Variants in DENND1B observed in about 807,000 individuals in gnomAD.
DENND1B encodes DENN domain-containing protein 1B.
Under a neutral mutation model 90.1 loss-of-function variants are expected in DENND1B, and 59 were observed. The ratio of observed to expected loss-of-function variants is 0.65; its 90% CI spans 0.53 to 0.81. DENND1B has a LOEUF of 0.81. Among genes scored for constraint, DENND1B ranks in the 40% least tolerant of loss-of-function variants. The probability of loss-of-function intolerance (pLI) is 0.00; values close to 1 mark genes in which losing one functional copy is unlikely to be tolerated. For synonymous variants in DENND1B, 337 were observed against 324.6 expected, an observed-to-expected ratio of 1.04 and a Z score of -0.41; for missense variants, 862 against 912.6, an observed-to-expected ratio of 0.94 and a Z score of 0.71.
chr1:197,511,405 G>A (rs556212643), intron 22 of DENND1B, among the ~76,000 whole-genome samples: 1 of 151,608 alleles, frequency 6.6e-6, no homozygotes, highest in African/African-American at 2.4e-5. Flanking sequence ...AGGAAATATG[G>A]GGAAAAAGTG....
intron 9 of DENND1B, among the ~76,000 whole-genome samples, chr1:197,644,674 G>A (rs1023068669): frequency 1.3e-5 from 2 of 152,156 alleles, no homozygotes; most frequent in Non-Finnish European, 2.9e-5. Flanking sequence ...GCAACTTGAT[G>A]CAAAGCTTTT....
At chr1:197,735,703 G>C in intron 2 of DENND1B, 2 of 1,613,902 alleles carry the variant, frequency 1.2e-6, no homozygotes, top group Non-Finnish European at 1.7e-6. Context: ...CGCTACGCCA[G>C]GACCGACAGG....
intron 20 of DENND1B, among the ~76,000 whole-genome samples, chr1:197,521,404 A>G (rs1421396): frequency 0.95 from 144,918 of 151,906 alleles, 69,502 homozygotes; most frequent in East Asian, 1. Context: ...TTGGGAGGGG[A>G]AGGAATAAGG....
At chr1:197,554,139 ACACACACACG>A (rs945425866) in intron 15 of DENND1B, among the ~76,000 whole-genome samples, 3 of 148,418 alleles carry the variant, frequency 2.0e-5, no homozygotes, top group Admixed American at 6.7e-5. Flanking sequence ...ACACACACAC[ACACACACACG>A]TATTACTAGC....
intron 3 of DENND1B, among the ~76,000 whole-genome samples, chr1:197,683,021 C>T (rs1050824561): frequency 1.5e-4 from 23 of 152,056 alleles, no homozygotes; most frequent in Non-Finnish European, 1.5e-4. Context: ...TGGAAATCAG[C>T]GAGTGTTTGT....
At chr1:197,548,735 T>C (rs565001014) in intron 16 of DENND1B, among the ~76,000 whole-genome samples, 1 of 152,192 alleles carries the variant, frequency 6.6e-6, no homozygotes, top group East Asian at 1.9e-4. Flanking sequence ...GAGTTTCCTC[T>C]GTATCACACC....
At chr1:197,775,568 CTG>C (rs1657216300), upstream of DENND1B, 1 of 156,056 alleles carries the variant, frequency 6.4e-6, no homozygotes, top group Non-Finnish European at 1.4e-5. Context: ...AAGTCGGAGA[CTG>C]TGGAGGAGGC....
At position 197,775,193 on chromosome 1, in the gene DENND1B, G is replaced by T. The variant is rs1223875887; in HGVS notation, c.-38C>A. 31 of 1,260,506 alleles carry T rather than the reference G, an allele frequency of 2.5e-5. No individual in the cohort carries two copies. Among genetic ancestry groups the T allele is most frequent in the Non-Finnish European group, 2.8e-5 (28 of 998,162 alleles). The allele number at this position is 1,260,506 out of a possible 1,614,324, so 78.1% of individuals were successfully genotyped here. On this transcript the variant is annotated 5_prime_UTR_variant, in exon 1 of 23. Coordinates refer to ENST00000620048, the MANE Select transcript of DENND1B (RefSeq NM_001195215.2). Reference sequence around the variant, plus strand: ...GTGTGGGGCTGTCCGTCCGGCCCCCGCGCGCTGGCCTGGAAGCCCGCAGCC... The same window carrying T: ...GTGTGGGGCTGTCCGTCCGGCCCCCTCGCGCTGGCCTGGAAGCCCGCAGCC...
chr1:197,560,959 A>G (rs867007157), intron 15 of DENND1B, among the ~76,000 whole-genome samples: 36 of 151,890 alleles, frequency 2.4e-4, no homozygotes, highest in African/African-American at 8.7e-4. Context: ...TACCTCACCC[A>G]TCTGCGCTCA....
intron 15 of DENND1B, among the ~76,000 whole-genome samples, chr1:197,558,095 G>A (rs548128005): frequency 2.6e-5 from 4 of 151,614 alleles, no homozygotes; most frequent in African/African-American, 7.3e-5. Context: ...AAGTGACATC[G>A]ATATAACATA....
intron 18 of DENND1B, 59 bp from the exon 19 acceptor site, chr1:197,541,074 A>G (rs1670303209): frequency 7.1e-7 from 1 of 1,399,178 alleles, no homozygotes; most frequent in Non-Finnish European, 1.0e-6. Context: ...TTTAAAGAAT[A>G]AGTATACAAG....
Position 197,567,713 on chromosome 1 carries a change from C to T in DENND1B, c.1150-14601G>A, listed in dbSNP as rs141673146. 4.4e-3 allele frequency among the ~76,000 whole-genome samples: 672 copies of T among 152,138 alleles called. 10 individuals are homozygous for T. The highest frequency in any genetic ancestry group is 0.015 in the African/African-American group (628 of 41,522). ...ACATTAACAGAATAAACGGCAAAAA[C>T]CTTATGATCACATCAACAGATGCAC... On this transcript the variant is annotated intron_variant, in intron 15 of 22. Transcript: ENST00000620048.
Position 197,645,383 on chromosome 1 carries a change from G to A in DENND1B, c.561+307C>T, listed in dbSNP as rs1276096496. On this transcript the variant is annotated intron_variant, in intron 9 of 22. Transcript: ENST00000620048. ...TATCTCTTCTATCATATACAGTGAA[G>A]CTGAAGACCTAATTGAATATATATA... 2.0e-5 allele frequency among the ~76,000 whole-genome samples: 3 copies of A among 151,970 alleles called. No individual in the cohort carries two copies. The East Asian group carries it at 5.8e-4, about 29-fold the overall frequency.
intron 20 of DENND1B, among the ~76,000 whole-genome samples, chr1:197,520,136 G>A (rs1047649086): frequency 9.9e-5 from 15 of 151,838 alleles, no homozygotes; most frequent in African/African-American, 1.5e-4. Context: ...CTGCTACTGC[G>A]TATTCCCTGA....
chr1:197,578,337 C>T (rs2125758720), intron 15 of DENND1B, among the ~76,000 whole-genome samples: 1 of 152,140 alleles, frequency 6.6e-6, no homozygotes, highest in East Asian at 1.9e-4. Context: ...CTCTGTCTCC[C>T]AGGTTCAAGC....
Position 197,645,691 on chromosome 1 carries a change from C to T in DENND1B, c.560G>A (p.Ser187Asn), listed in dbSNP as rs1432429069. ...TAAAGTAGAAAATAGGAAACTTACACTCTCGGGTATTGTTGGGAGTCCAGT... is the reference window on the plus strand; with the variant it reads ...TAAAGTAGAAAATAGGAAACTTACATTCTCGGGTATTGTTGGGAGTCCAGT... The part of the protein sequence containing the change: ...DVTGLPTIPE[S>N]RNLTEYFVAV... The change falls in exon 9 of 23, where the codon AGT becomes AAT. Residue 187 changes from serine to asparagine, a missense_variant and splice_region_variant. Physicochemically the swap from Ser to Asn is conservative, Grantham distance 46. Coordinates refer to ENST00000620048, the MANE Select transcript of DENND1B (RefSeq NM_001195215.2). 9.7e-6 allele frequency: 15 copies of T among 1,540,466 alleles called. No individual in the cohort carries two copies. Among genetic ancestry groups the T allele is most frequent in the Non-Finnish European group, 1.3e-5 (15 of 1,142,344 alleles).
intron 2 of DENND1B, 32 bp from the exon 3 acceptor site, chr1:197,715,106 C>T (rs1272569561): frequency 1.3e-6 from 2 of 1,584,486 alleles, no homozygotes; most frequent in African/African-American, 2.7e-5. Flanking sequence ...AATTAAACAG[C>T]AGCAAAAGAA....
At chr1:197,552,848 A>T in intron 16 of DENND1B, 174 bp downstream of exon 16, 2 of 1,367,644 alleles carry the variant, frequency 1.5e-6, no homozygotes, top group Non-Finnish European at 1.9e-6. Flanking sequence ...AACAGGTATC[A>T]GGCAAAATAA....
At chr1:197,676,666 T>G (rs1572285126) in intron 3 of DENND1B, among the ~76,000 whole-genome samples, 1 of 152,160 alleles carries the variant, frequency 6.6e-6, no homozygotes, top group Non-Finnish European at 1.5e-5. Flanking sequence ...AAAATAGGAA[T>G]AATAAAAAGA....
Sources: allele counts gnomAD v4.1 joint callset (sites outside exome capture counted in the v4.1 genomes callset), GRCh38; gene constraint gnomAD v4.1.1; transcripts MANE v1.5; gene names NCBI Gene and HGNC (gene_info 2026-07-23, HGNC 2026-07-21).